Variants in GSG1L observed in about 807,000 individuals in gnomAD.
GSG1L encodes germ cell-specific gene 1-like protein.
Under a neutral mutation model 42.1 loss-of-function variants are expected in GSG1L, and 24 were observed. The ratio of observed to expected loss-of-function variants is 0.57; its 90% CI spans 0.41 to 0.80. GSG1L has a LOEUF of 0.80. Among genes scored for constraint, GSG1L ranks in the 30% least tolerant of loss-of-function variants. The pLI is 0.00. For synonymous variants in GSG1L, 215 were observed against 203.5 expected (o/e 1.06, Z -0.48); for missense variants, 445 against 472.2 (o/e 0.94, Z 0.53).
At chr16:28,032,545 T>G (rs1688850630) in intron 1 of GSG1L, among the ~76,000 whole-genome samples, 1 of 152,232 alleles carries the variant, frequency 6.6e-6, no homozygotes, top group Non-Finnish European at 1.5e-5. Flanking sequence ...CTGAGATGTA[T>G]TTTGTTCTCT....
intron 1 of GSG1L, among the ~76,000 whole-genome samples, chr16:28,038,666 C>G (rs2086069186): frequency 6.6e-6 from 1 of 152,228 alleles, no homozygotes; most frequent in Non-Finnish European, 1.5e-5. Context: ...GCCATCCGTC[C>G]TCCTGGCGAT....
Position 27,860,828 on chromosome 16 carries a change from G to A in GSG1L, c.551-15767C>T, listed in dbSNP as rs571229720. ...GACCAAGGACATCACAGTCATGGAG[G>A]ACCCTCAGAAAGGGCCAGTGGGAGG... is the stretch of plus-strand genomic sequence containing the variant. On this transcript the variant is annotated intron_variant, in intron 3 of 6. Coordinates refer to ENST00000447459, the MANE Select transcript of GSG1L (RefSeq NM_001109763.2). 6.6e-5 allele frequency among the ~76,000 whole-genome samples: 10 copies of A among 152,362 alleles called. No individual in the cohort carries two copies. The South Asian group carries it at 2.1e-3, about 32-fold the overall frequency.
intron 3 of GSG1L, among the ~76,000 whole-genome samples, chr16:27,867,851 A>C (rs568831667): frequency 1.3e-5 from 2 of 152,230 alleles, no homozygotes; most frequent in South Asian, 4.1e-4. Context: ...CGCCCCTCAA[A>C]GTCCAGCTTT....
At chr16:27,930,924 G>A (rs990118649) in intron 2 of GSG1L, among the ~76,000 whole-genome samples, 5 of 151,978 alleles carry the variant, frequency 3.3e-5, no homozygotes, top group African/African-American at 1.2e-4. Context: ...TTTTTATAGA[G>A]ATGGGGCCTT....
intron 2 of GSG1L, among the ~76,000 whole-genome samples, chr16:27,923,504 G>A (rs1032455656): frequency 2.6e-5 from 4 of 152,186 alleles, no homozygotes; most frequent in Non-Finnish European, 5.9e-5. Context: ...CAGCACTTTG[G>A]GAGACTGAGG....
chr16:27,860,306 C>T (rs922158918), intron 3 of GSG1L, among the ~76,000 whole-genome samples: 5 of 152,162 alleles, frequency 3.3e-5, no homozygotes, highest in East Asian at 1.9e-4. Context: ...CGTCCTGAAT[C>T]GGGCTTGGTC....
chr16:27,946,626 A>G (rs2084870711), intron 2 of GSG1L, among the ~76,000 whole-genome samples: 1 of 18,196 alleles, frequency 5.5e-5, no homozygotes, highest in Non-Finnish European at 9.0e-5. Flanking sequence ...AGAGAGAGAG[A>G]GAGAGAAAGA....
At chr16:27,928,468 G>C (rs1567522239) in intron 2 of GSG1L, among the ~76,000 whole-genome samples, 5 of 152,204 alleles carry the variant, frequency 3.3e-5, no homozygotes, top group Middle Eastern at 3.4e-3. Flanking sequence ...ACGGCCCCCA[G>C]CCCAGTTCTA....
At chr16:28,047,089 A>T (rs1248108456) in intron 1 of GSG1L, among the ~76,000 whole-genome samples, 1 of 152,220 alleles carries the variant, frequency 6.6e-6, no homozygotes, top group Admixed American at 6.5e-5. Context: ...TCTTGCGTTC[A>T]AAGCCAACCA....
intron 6 of GSG1L, among the ~76,000 whole-genome samples, chr16:27,803,792 TATAGATAGATAGATATAG>T (rs1185267638): frequency 1.8e-3 from 100 of 56,264 alleles, no homozygotes; most frequent in African/African-American, 4.9e-3. Flanking sequence ...TATATATATA[TATAGATAGATAGATATAG>T]ATATAGATAT....
At chr16:27,813,502 C>A (rs998542816) in intron 5 of GSG1L, among the ~76,000 whole-genome samples, 1 of 152,186 alleles carries the variant, frequency 6.6e-6, no homozygotes, top group Admixed American at 6.5e-5. Context: ...GATTTTATGT[C>A]TTTCCTAATG....
chr16:27,791,267 A>G lies in GSG1L; in HGVS notation c.*103T>C. ...TCTCCCACGCAGGCTGACTGAGTTC[A>G]CGGCACACAGGCCAGGGTTCTGGGG... On this transcript the variant is annotated 3_prime_UTR_variant, in exon 7 of 7. Coordinates refer to ENST00000447459, the MANE Select transcript of GSG1L (RefSeq NM_001109763.2). 1.4e-6 allele frequency: 1 copy of G among 709,474 alleles called. No homozygotes were observed. Among genetic ancestry groups the G allele is most frequent in the Admixed American group, 3.3e-5 (1 of 30,000 alleles). 43.9% of individuals were successfully genotyped at this position (709,474 alleles called of 1,614,324 possible).
chr16:27,820,974 C>T (rs1465321850), intron 5 of GSG1L, among the ~76,000 whole-genome samples: 2 of 152,136 alleles, frequency 1.3e-5, no homozygotes, highest in Admixed American at 6.5e-5. Flanking sequence ...TTCTGTTCCC[C>T]GTGCCTGAAA....
chr16:27,830,089 C>A (rs1460435542), intron 4 of GSG1L, among the ~76,000 whole-genome samples: 1 of 152,112 alleles, frequency 6.6e-6, no homozygotes, highest in African/African-American at 2.4e-5. Flanking sequence ...CGAGGAGACT[C>A]AGCTGATCCA....
At position 27,880,784 on chromosome 16, in the gene GSG1L, G is replaced by T. The variant is rs548873384; in HGVS notation, c.550+3702C>A. On this transcript the variant is annotated intron_variant, in intron 3 of 6. Transcript: ENST00000447459. ...CAAACTTTTGTTTTGTGGCTGGAGT[G>T]AGCAGGTTGGGGGAAGAGCTACATG... Among the ~76,000 whole-genome samples the T allele has an allele frequency of 1.8e-4, 27 of 152,202 alleles. No homozygotes were observed. The East Asian group carries it at 2.5e-3, about 14-fold the overall frequency.
intron 1 of GSG1L, among the ~76,000 whole-genome samples, chr16:28,054,870 T>C (rs1465155763): frequency 1.3e-5 from 2 of 151,966 alleles, no homozygotes; most frequent in Admixed American, 6.6e-5. Flanking sequence ...TCAACAGATG[T>C]CATATAAAAA....
chr16:27,943,981 G>A (rs1467441143), intron 2 of GSG1L, among the ~76,000 whole-genome samples: 1 of 152,108 alleles, frequency 6.6e-6, no homozygotes, highest in African/African-American at 2.4e-5. Flanking sequence ...GCTGTGTTCT[G>A]ATAAAACTTT....
At chr16:28,017,461 T>C (rs1457284296) in intron 1 of GSG1L, among the ~76,000 whole-genome samples, 1 of 152,216 alleles carries the variant, frequency 6.6e-6, no homozygotes, top group African/African-American at 2.4e-5. Context: ...AGCAACTCCA[T>C]TCAAAGGAAT....
rs1003663301 is a variant in GSG1L, at chr16:27,884,641, G to A, written c.398-3C>T. On this transcript the variant is annotated splice_region_variant and splice_polypyrimidine_tract_variant and intron_variant, in intron 2 of 6. Transcript: ENST00000447459. The surrounding 1 kb of genome is among the most constrained non-coding windows in gnomAD (Gnocchi z 4.4). ...GACCACAGACAGCCACAGGACCCCT[G>A]TCCAACAGAGGCAGAGAGGCCGTGA... is the stretch of plus-strand genomic sequence containing the variant. 6.4e-7 allele frequency: 1 copy of A among 1,574,704 alleles called. No homozygotes were observed. Among genetic ancestry groups the A allele is most frequent in the African/African-American group, 1.4e-5 (1 of 74,032 alleles).
Sources: gnomAD v4.1 joint callset for allele counts (sites outside exome capture counted in the v4.1 genomes callset) on GRCh38, gnomAD v4.1.1 for gene constraint, Gnocchi (gnomAD v3.1) non-coding constraint, MANE v1.5 for transcripts, NCBI Gene and HGNC (gene_info 2026-07-23, HGNC 2026-07-21) for gene names.